The following HMCN1 variants were observed in gnomAD, a reference collection of about 807,000 sequenced individuals.
HMCN1 encodes the protein hemicentin 1, also known as hemicentin-1.
In HMCN1, 321 loss-of-function variants were observed where a neutral mutation model predicts 625.9. The observed-to-expected ratio is 0.51, with a 90% confidence interval of 0.47 to 0.56. The LOEUF is 0.56. Ranked by LOEUF, HMCN1 falls within the 20% of genes least tolerant of loss-of-function variation. The pLI, the probability that HMCN1 is intolerant of heterozygous loss-of-function variation, is 0.00. For synonymous variants in HMCN1, 2,425 were observed against 2,417.6 expected, an observed-to-expected ratio of 1.00 and a Z score of -0.09; for missense variants, 6,588 against 6,887.3, an observed-to-expected ratio of 0.96 and a Z score of 1.54.
At chr1:186,125,545 T>A in intron 81 of HMCN1, 59 bp from the exon 82 acceptor site, 2 of 1,308,778 alleles carry the variant, frequency 1.5e-6, no homozygotes, top group Non-Finnish European at 2.2e-6. Context: ...ATTTTTATTG[T>A]GAATAAAGAC....
At chr1:185,884,878 G>A (rs1361185378) in intron 4 of HMCN1, among the ~76,000 whole-genome samples, 4 of 151,954 alleles carry the variant, frequency 2.6e-5, no homozygotes, top group African/African-American at 7.2e-5. Context: ...GGCATTGATC[G>A]TATCAAAGGA....
chr1:185,766,396 G>A (rs1245582974), intron 1 of HMCN1, among the ~76,000 whole-genome samples: 1 of 152,046 alleles, frequency 6.6e-6, no homozygotes, highest in African/African-American at 2.4e-5. Flanking sequence ...CCCATGGTAG[G>A]GAGTTTAAGA....
intron 64 of HMCN1, among the ~76,000 whole-genome samples, chr1:186,092,660 A>T (rs1426344450): frequency 1.2e-5 from 1 of 84,350 alleles, no homozygotes; most frequent in Non-Finnish European, 2.0e-5. Flanking sequence ...TTGTAGAAAA[A>T]AAGTTTGCAA....
At chr1:185,797,998 A>G (rs925596800) in intron 1 of HMCN1, among the ~76,000 whole-genome samples, 4 of 137,872 alleles carry the variant, frequency 2.9e-5, no homozygotes, top group African/African-American at 1.1e-4. Context: ...AAAAAAAAAG[A>G]CTTGTTTTAT....
At chr1:185,833,404 A>C (rs1193552983) in intron 1 of HMCN1, among the ~76,000 whole-genome samples, 1 of 152,226 alleles carries the variant, frequency 6.6e-6, no homozygotes, top group African/African-American at 2.4e-5. Flanking sequence ...CTGTGTAATT[A>C]GGCTTTAAAT....
chr1:185,904,692 A>T (rs73058250), intron 4 of HMCN1, among the ~76,000 whole-genome samples: 9,642 of 151,892 alleles, frequency 0.063, 1,072 homozygotes, highest in African/African-American at 0.22. Flanking sequence ...GGCATGTATC[A>T]CTCATTTTTA....
intron 4 of HMCN1, among the ~76,000 whole-genome samples, chr1:185,899,707 A>C (rs933082760): frequency 2.6e-5 from 4 of 152,122 alleles, no homozygotes; most frequent in African/African-American, 9.7e-5. Flanking sequence ...ACTGTTTAGC[A>C]GTGGTAAAAC....
At position 185,891,562 on chromosome 1, in the gene HMCN1, A is replaced by G. The variant is rs573263164; in HGVS notation, c.622-17775A>G. ...CTGTAAAGTATTTAATTTCTCCTTC[A>G]CTTATGAAGCTTAGTTTGGCTGGAT... On this transcript the variant is annotated intron_variant, in intron 4 of 106. Coordinates refer to ENST00000271588, the MANE Select transcript of HMCN1 (RefSeq NM_031935.3). Among the ~76,000 whole-genome samples the G allele has an allele frequency of 6.4e-3, 940 of 147,226 alleles. 132 individuals carry two copies. The highest frequency in any genetic ancestry group is 0.025 in the African/African-American group (904 of 36,812).
At position 186,076,513 on chromosome 1, in the gene HMCN1, C is replaced by A. The variant is rs1482393143; in HGVS notation, c.8376C>A (p.Asn2792Lys). The A allele has an allele frequency of 6.2e-7, 1 of 1,613,698 alleles. No homozygotes were observed. The highest frequency in any genetic ancestry group is 1.3e-5 in the African/African-American group (1 of 74,928). ...RNGEAKDVII[N>K]NPISLYCETN... Reference sequence around the variant, plus strand: ...GTGAAGCCAAAGATGTGATCATCAACAATCCCATTTCTCTTTACTGTGAGA... The same window carrying A: ...GTGAAGCCAAAGATGTGATCATCAAAAATCCCATTTCTCTTTACTGTGAGA... The change falls in exon 54 of 107, where the codon AAC becomes AAA. Residue 2792 changes from asparagine (N) to lysine (K), a missense_variant. By Grantham distance (94) the Asn-to-Lys change is moderately conservative (BLOSUM62 0). Around this residue, in one of 3 missense-constraint regions of HMCN1, gnomAD observed 4,628 missense variants for 4,853.1 expected, o/e 0.95. Coordinates refer to ENST00000271588, the MANE Select transcript of HMCN1 (RefSeq NM_031935.3).
chr1:186,071,106 T>TC (rs1473828180), intron 52 of HMCN1, among the ~76,000 whole-genome samples: 10 of 152,196 alleles, frequency 6.6e-5, no homozygotes, highest in African/African-American at 2.4e-4. Flanking sequence ...TCTTTTCATT[T>TC]TTTTGCTGTT....
At chr1:185,973,524 A>C (rs1264307789) in intron 15 of HMCN1, among the ~76,000 whole-genome samples, 2 of 152,042 alleles carry the variant, frequency 1.3e-5, no homozygotes, top group Non-Finnish European at 2.9e-5. Flanking sequence ...TTTTATCCAT[A>C]TCATTTAGCT....
intron 86 of HMCN1, among the ~76,000 whole-genome samples, chr1:186,132,772 A>G (rs942343873): frequency 3.3e-5 from 5 of 151,890 alleles, no homozygotes; most frequent in African/African-American, 1.2e-4. Context: ...AACATTAGGT[A>G]TATCTCCAAA....
chr1:186,064,927 A>G (rs1314717490), intron 48 of HMCN1, among the ~76,000 whole-genome samples: 1 of 152,050 alleles, frequency 6.6e-6, no homozygotes, highest in East Asian at 1.9e-4. Flanking sequence ...CTTAGTTGTA[A>G]TAGTCTAAAA....
chr1:185,841,792 T>C (rs1250791079), intron 1 of HMCN1, among the ~76,000 whole-genome samples: 1 of 152,182 alleles, frequency 6.6e-6, no homozygotes, highest in Non-Finnish European at 1.5e-5. Flanking sequence ...ATTGTCTATA[T>C]AATTATGTCT....
intron 11 of HMCN1, among the ~76,000 whole-genome samples, chr1:185,938,509 G>A (rs1667928428): frequency 6.6e-6 from 1 of 152,048 alleles, no homozygotes; most frequent in Non-Finnish European, 1.5e-5. Context: ...TATTATCTTG[G>A]TGGGAAGCAG....
chr1:186,069,600 G>C (rs1658359386), intron 50 of HMCN1, 63 bp from the exon 51 acceptor site: 1 of 975,972 alleles, frequency 1.0e-6, no homozygotes, highest in Admixed American at 1.9e-5. Flanking sequence ...ACCCCTGATA[G>C]CCTGTGTGTA....
In HMCN1 at chr1:186,018,209, A is replaced by C. The variant is rs376847972; in HGVS notation, c.5327A>C (p.Asp1776Ala). The part of the protein sequence containing the change: ...IMWLKDGQLI[D>A]ERDGFKILLN... The stretch of plus-strand genomic sequence containing the variant: ...TGGCTGAAGGATGGCCAGTTAATTG[A>C]TGAAAGGGATGGATTCAAGATTTTA... Residue 1776 changes from aspartate to alanine, a missense_variant, in exon 34 of 107, where the codon GAT becomes GCT. This residue lies in a region of HMCN1 where 4,628 missense variants were observed against 4,853.1 expected (regional missense o/e 0.95). Coordinates refer to ENST00000271588, the MANE Select transcript of HMCN1 (RefSeq NM_031935.3). 24 of 1,612,672 alleles carry C rather than the reference A, an allele frequency of 1.5e-5. No individual in the cohort carries two copies. Among genetic ancestry groups the C allele is most frequent in the Non-Finnish European group, 1.9e-5 (22 of 1,179,056 alleles).
chr1:185,933,590 A>G lies in HMCN1; in HGVS notation c.1594A>G (p.Thr532Ala), dbSNP rs1667662454. 1 of 1,613,886 alleles carries G rather than the reference A, an allele frequency of 6.2e-7. No homozygotes were observed. The highest frequency in any genetic ancestry group is 8.5e-7 in the Non-Finnish European group (1 of 1,179,908). ...CCAAGTGCCTAACAATGTTACAGTC[A>G]CTCCTGGAGAGAGAGCAGTTTTAAC... ...VIQVPNNVTV[T>A]PGERAVLTCL... The change falls in exon 11 of 107, where the codon ACT becomes GCT. Residue 532 changes from threonine (T) to alanine (A), a missense_variant. Transcript: ENST00000271588.
At chr1:186,156,215 T>G (rs2102588446) in intron 97 of HMCN1, among the ~76,000 whole-genome samples, 1 of 152,130 alleles carries the variant, frequency 6.6e-6, no homozygotes, top group East Asian at 1.9e-4. Context: ...TACAGATACA[T>G]TTTTTACAAC....
Sources: allele counts gnomAD v4.1 joint callset (sites outside exome capture counted in the v4.1 genomes callset), GRCh38; gene constraint gnomAD v4.1.1; regional missense constraint gnomAD v4.1.1; transcripts MANE v1.5; gene names NCBI Gene and HGNC (gene_info 2026-07-23, HGNC 2026-07-21).